GAS2L1: variants seen among roughly 807,000 people sequenced by gnomAD.
GAS2L1 encodes GAS2-like protein 1.
GAS2L1 carries 26 observed loss-of-function variants against 44.0 expected under a neutral mutation model. The observed-to-expected ratio is 0.59, with a 90% CI of 0.43 to 0.82. GAS2L1 has a LOEUF of 0.82. Ranked by LOEUF, GAS2L1 falls within the 40% of genes least tolerant of loss-of-function variation. GAS2L1 has a pLI of 0.00. For synonymous variants in GAS2L1, 426 were observed against 415.9 expected, an observed-to-expected ratio of 1.02 and a Z score of -0.30; for missense variants, 1,006 against 983.0, an observed-to-expected ratio of 1.02 and a Z score of -0.31.
At chr22:29,311,841 A>C (rs1401766952) in exon 5 of GAS2L1, 1 of 1,593,564 alleles carries the variant, frequency 6.3e-7, no homozygotes, top group Admixed American at 1.7e-5. Context: ...GGGCAGGGGC[A>C]GTGGGGGCTC....
exon 1 of GAS2L1, chr22:29,308,536 C>T: frequency 1.9e-6 from 3 of 1,603,084 alleles, no homozygotes; most frequent in Non-Finnish European, 2.6e-6. Context: ...CTGGAGGTGG[C>T]GCGGCGTGGG....
intron 1 of GAS2L1, 173 bp from the exon 3 acceptor site, chr22:29,310,266 A>G (rs1403056774): frequency 2.6e-6 from 1 of 387,006 alleles, no homozygotes; most frequent in Non-Finnish European, 4.5e-6. Flanking sequence ...AATAAAAAAA[A>G]ATAAAAAAAA....
chr22:29,312,454 T>C (rs2061421195), exon 5 of GAS2L1: 3 of 1,521,648 alleles, frequency 2.0e-6, no homozygotes, highest in Non-Finnish European at 2.6e-6. Context: ...TGGCATGCCC[T>C]GCACTCAGTC....
At chr22:29,307,980 A>T in exon 1 of GAS2L1, 1 of 692,796 alleles carries the variant, frequency 1.4e-6, no homozygotes, top group Non-Finnish European at 2.1e-6. Flanking sequence ...CATGTAAACC[A>T]GGCATTTGGC....
chr22:29,310,503 G>A (rs1456518437), exon 2 of GAS2L1: 1 of 1,612,512 alleles, frequency 6.2e-7, no homozygotes, highest in South Asian at 1.1e-5. Context: ...GTCTCAGAGG[G>A]GAAGTACCGT....
intron 4 of GAS2L1, 64 bp from the exon 6 acceptor site, chr22:29,311,398 T>G (rs1415112347): frequency 8.9e-6 from 6 of 673,180 alleles, no homozygotes; most frequent in Non-Finnish European, 1.5e-5. Context: ...TTCCTCTCCC[T>G]GCCTGTTCTG....
exon 2 of GAS2L1, chr22:29,310,460 T>C (rs1462165535): frequency 3.1e-6 from 5 of 1,608,614 alleles, no homozygotes; most frequent in Admixed American, 3.3e-5. Context: ...TCTGGGCCGC[T>C]GCACCTGCCC....
intron 1 of GAS2L1, among the ~76,000 whole-genome samples, chr22:29,309,778 C>T (rs1425615143): frequency 1.3e-5 from 2 of 151,922 alleles, no homozygotes; most frequent in African/African-American, 4.9e-5. Context: ...GCCTGGCCTT[C>T]CTGTGGGCCC....
At chr22:29,312,133 G>T (rs2061416228) in exon 5 of GAS2L1, 3 of 1,612,816 alleles carry the variant, frequency 1.9e-6, no homozygotes, top group Admixed American at 3.3e-5. Context: ...TCTGCCTATT[G>T]TTCCTCCAGT....
chr22:29,311,937 G>A (rs747846620), exon 5 of GAS2L1: 1 of 1,605,418 alleles, frequency 6.2e-7, no homozygotes. Context: ...TCCAGAGTTG[G>A]GCACCACACC....
chr22:29,308,166 T>C, exon 1 of GAS2L1: 1 of 1,594,104 alleles, frequency 6.3e-7, no homozygotes. Context: ...GCCATTTCGC[T>C]CCAGTGAGGC....
chr22:29,308,474 GAC>G lies in GAS2L1; in HGVS notation c.370_371del (p.Thr124Ter). On this transcript the variant is annotated frameshift_variant, in exon 1 of 5. Transcript: ENST00000618518. LOFTEE classifies it high-confidence loss of function. ...GTGTGCCGGAGGTGCTCATGTTTGA[GAC>G]TGAGGACCTGGTGCTGCGCAAGAAC... The G allele has an allele frequency of 6.2e-7, 1 of 1,608,356 alleles. No individual in the cohort carries two copies. Among genetic ancestry groups the G allele is most frequent in the Middle Eastern group, 1.7e-4 (1 of 6,060 alleles).
At chr22:29,311,972 G>T in exon 5 of GAS2L1, 1 of 1,609,592 alleles carries the variant, frequency 6.2e-7, no homozygotes. Flanking sequence ...GCACACCCCT[G>T]CAGCTCGACC....
chr22:29,311,635 C>T, exon 5 of GAS2L1: 4 of 1,536,038 alleles, frequency 2.6e-6, no homozygotes, highest in African/African-American at 1.4e-5. Context: ...CCGGCCTCTC[C>T]GAGACGGCCT....
At chr22:29,308,276 C>T (rs2061368499) in exon 1 of GAS2L1, 2 of 1,608,306 alleles carry the variant, frequency 1.2e-6, no homozygotes, top group Non-Finnish European at 1.7e-6. Context: ...CAGGGCTGGC[C>T]ACGGGCACGA....
At chr22:29,311,563 G>A in exon 5 of GAS2L1, 2 of 1,543,024 alleles carry the variant, frequency 1.3e-6, no homozygotes, top group South Asian at 1.2e-5. Context: ...GGTACCCGCA[G>A]TGATGACACA....
At chr22:29,309,769 C>T (rs1173891707) in intron 1 of GAS2L1, among the ~76,000 whole-genome samples, 2 of 151,894 alleles carry the variant, frequency 1.3e-5, no homozygotes, top group Non-Finnish European at 1.5e-5. Flanking sequence ...CTGTAGCCTG[C>T]CTGGCCTTCC....
exon 1 of GAS2L1, chr22:29,308,602 G>C: frequency 6.3e-7 from 1 of 1,597,066 alleles, no homozygotes; most frequent in Non-Finnish European, 8.5e-7. Context: ...GAGATTGAGC[G>C]GGAGCTGCGT....
exon 1 of GAS2L1, chr22:29,307,909 ATGTTACTG>A (rs948422316): frequency 9.4e-6 from 4 of 423,538 alleles, no homozygotes; most frequent in African/African-American, 8.2e-5. Flanking sequence ...GAGGCAGGGA[ATGTTACTG>A]TACCCATTTC....
Sources: gnomAD v4.1 joint callset for allele counts (sites outside exome capture counted in the v4.1 genomes callset) on GRCh38, gnomAD v4.1.1 for gene constraint, MANE v1.5 for transcripts, NCBI Gene and HGNC (gene_info 2026-07-23, HGNC 2026-07-21) for gene names.